BLTP3B: variants seen among roughly 807,000 people sequenced by gnomAD.
BLTP3B encodes the protein UHRF1 (ICBP90) binding protein 1-like.
At chr12:100,059,771 A>G in the BLTP3B span, 1 of 1,381,440 alleles carries the variant, frequency 7.2e-7, no homozygotes, top group Admixed American at 2.3e-5. Flanking sequence ...TTAATAATCA[A>G]TGTAACATAC....
chr12:100,047,629 G>A, the BLTP3B span: 1,718 of 1,606,720 alleles, frequency 1.1e-3, 23 homozygotes, highest in African/African-American at 0.02. Context: ...CTACTCCGGG[G>A]ACTATCATCC....
At chr12:100,101,300 T>C in the BLTP3B span, among the ~76,000 whole-genome samples, 1 of 152,214 alleles carries the variant, frequency 6.6e-6, no homozygotes, top group African/African-American at 2.4e-5. Flanking sequence ...TAGATTCCCA[T>C]GGCATGCACT....
chr12:100,081,665 A>G, the BLTP3B span, among the ~76,000 whole-genome samples: 3 of 152,096 alleles, frequency 2.0e-5, no homozygotes, highest in Non-Finnish European at 2.9e-5. Flanking sequence ...AGAATATGCA[A>G]TATTTGGTTT....
the BLTP3B span, among the ~76,000 whole-genome samples, chr12:100,057,169 T>C: frequency 6.6e-6 from 1 of 152,212 alleles, no homozygotes; most frequent in Non-Finnish European, 1.5e-5. Flanking sequence ...GTCTCTGTAA[T>C]AGAGGCTGGT....
chr12:100,135,650 T>C, the BLTP3B span, among the ~76,000 whole-genome samples: 1 of 152,186 alleles, frequency 6.6e-6, no homozygotes, highest in Non-Finnish European at 1.5e-5. Context: ...GTACTTCTCA[T>C]CCCCTTTCCC....
At chr12:100,075,865 G>C in the BLTP3B span, among the ~76,000 whole-genome samples, 1 of 152,254 alleles carries the variant, frequency 6.6e-6, no homozygotes, top group East Asian at 1.9e-4. Flanking sequence ...TGAGGCTGCA[G>C]TACTGCATGT....
At chr12:100,059,117 G>A in the BLTP3B span, 1 of 1,614,108 alleles carries the variant, frequency 6.2e-7, no homozygotes, top group South Asian at 1.1e-5. Context: ...GAGGGAATGA[G>A]TCTACAAAAC....
the BLTP3B span, chr12:100,089,083 C>T: frequency 1.0e-5 from 16 of 1,598,578 alleles, no homozygotes; most frequent in Non-Finnish European, 1.2e-5. Context: ...GCAGATGCGA[C>T]TACTGTAGAG....
the BLTP3B span, chr12:100,047,880 A>T: frequency 7.7e-7 from 1 of 1,302,742 alleles, no homozygotes. Flanking sequence ...ACATTCTTAG[A>T]CATGAATGAA....
chr12:100,037,256 A>T, the BLTP3B span: 1 of 982,326 alleles, frequency 1.0e-6, no homozygotes, highest in African/African-American at 1.8e-5. Flanking sequence ...AAATATGGAG[A>T]AATCAATTCA....
chr12:100,094,551 A>C, the BLTP3B span, among the ~76,000 whole-genome samples: 1 of 152,212 alleles, frequency 6.6e-6, no homozygotes, highest in Non-Finnish European at 1.5e-5. Flanking sequence ...AGATAATGCC[A>C]ATGTGATATT....
At chr12:100,059,025 G>A in the BLTP3B span, 22 of 1,614,112 alleles carry the variant, frequency 1.4e-5, no homozygotes, top group Middle Eastern at 1.6e-4. Flanking sequence ...ACTTTGTGAT[G>A]TATTTAGAGA....
the BLTP3B span, chr12:100,059,204 C>T: frequency 1.4e-5 from 22 of 1,613,864 alleles, no homozygotes; most frequent in African/African-American, 4.0e-5. Context: ...CCCAAACATC[C>T]GTGGCAGCAG....
chr12:100,128,182 G>T, the BLTP3B span, among the ~76,000 whole-genome samples: 2 of 152,120 alleles, frequency 1.3e-5, no homozygotes, highest in Admixed American at 1.3e-4. Context: ...TTTATCAAAG[G>T]AGACTTTGTA....
At chr12:100,105,715 A>G in the BLTP3B span, among the ~76,000 whole-genome samples, 1 of 152,206 alleles carries the variant, frequency 6.6e-6, no homozygotes, top group Non-Finnish European at 1.5e-5. Flanking sequence ...TCTACACAAC[A>G]AAAGAAATAA....
At chr12:100,137,598 C>CATG in the BLTP3B span, among the ~76,000 whole-genome samples, 1 of 152,180 alleles carries the variant, frequency 6.6e-6, no homozygotes, top group South Asian at 2.1e-4. Context: ...GGATTACAGG[C>CATG]ATGAGCCACC....
the BLTP3B span, chr12:100,142,485 C>T: frequency 1.6e-6 from 2 of 1,256,852 alleles, no homozygotes; most frequent in Non-Finnish European, 2.2e-6. Flanking sequence ...GTCCGAAGGT[C>T]GCCTCCCGCA....
the BLTP3B span, chr12:100,037,586 A>C: frequency 1.6e-5 from 25 of 1,588,988 alleles, no homozygotes; most frequent in Non-Finnish European, 2.1e-5. Flanking sequence ...CATTATAAAT[A>C]TAACCTTCCT....
chr12:100,130,369 A>G, the BLTP3B span, among the ~76,000 whole-genome samples: 2 of 152,182 alleles, frequency 1.3e-5, no homozygotes, highest in Admixed American at 1.3e-4. Context: ...CATAAGATTC[A>G]TTATCTTGAA....
Sources: allele counts gnomAD v4.1 joint callset (sites outside exome capture counted in the v4.1 genomes callset), GRCh38; gene constraint gnomAD v4.1.1; transcripts MANE v1.5; gene names NCBI Gene and HGNC (gene_info 2026-07-23, HGNC 2026-07-21).